VOPP1: variants seen among roughly 807,000 people sequenced by gnomAD.
The protein encoded by VOPP1 is VOPP1 WW domain binding protein.
A neutral mutation model predicts 23.5 loss-of-function variants in VOPP1; 8 were observed. The observed-to-expected ratio is 0.34, with a 90% CI of 0.20 to 0.61. VOPP1 has a LOEUF of 0.61. Among genes scored for constraint, VOPP1 ranks in the 20% least tolerant of loss-of-function variants. VOPP1 has a pLI of 0.78. For missense variants in VOPP1, 174 were observed against 238.1 expected (o/e 0.73, Z 1.77); for synonymous variants, 83 against 97.3 (o/e 0.85, Z 0.86).
intron 1 of VOPP1, among the ~76,000 whole-genome samples, chr7:55,538,261 G>A (rs756317785): frequency 1.3e-5 from 2 of 152,130 alleles, no homozygotes; most frequent in Non-Finnish European, 2.9e-5. Flanking sequence ...TATGCAGTCC[G>A]CACTTAGGAA....
intron 1 of VOPP1, among the ~76,000 whole-genome samples, chr7:55,568,501 T>C (rs905550689): frequency 7.2e-5 from 11 of 152,144 alleles, no homozygotes; most frequent in Non-Finnish European, 1.6e-4. Context: ...AGATAATGAG[T>C]AGTCCCTTAA....
intron 1 of VOPP1, chr7:55,537,502 T>C: frequency 1.3e-6 from 2 of 1,536,130 alleles, no homozygotes; most frequent in South Asian, 1.2e-5. Flanking sequence ...AGCAAGCACC[T>C]GAGCATGTGA....
intron 1 of VOPP1, among the ~76,000 whole-genome samples, chr7:55,544,931 T>C (rs1438873128): frequency 6.6e-6 from 1 of 152,254 alleles, no homozygotes; most frequent in African/African-American, 2.4e-5. Context: ...AAATACATTT[T>C]ACTTTCGTGT....
At chr7:55,492,456 T>C (rs2129019714) in intron 3 of VOPP1, 38 bp from the exon 4 acceptor site, 2 of 1,574,702 alleles carry the variant, frequency 1.3e-6, no homozygotes, top group Non-Finnish European at 1.7e-6. Context: ...TGCTCCCAGG[T>C]GGGGGCCCTG....
chr7:55,463,220 G>A (rs1005038858), intron 4 of VOPP1, among the ~76,000 whole-genome samples: 5 of 152,212 alleles, frequency 3.3e-5, no homozygotes, highest in African/African-American at 7.2e-5. Flanking sequence ...CTCTTGTATC[G>A]CACTGAACTT....
intron 4 of VOPP1, among the ~76,000 whole-genome samples, chr7:55,454,142 G>C (rs1791309894): frequency 6.6e-6 from 1 of 152,068 alleles, no homozygotes; most frequent in South Asian, 2.1e-4. Context: ...ATTTAGGATA[G>C]CTCTCACCTC....
chr7:55,551,829 C>CCACTGTTCTCTTCAT, intron 1 of VOPP1, among the ~76,000 whole-genome samples: 1 of 152,204 alleles, frequency 6.6e-6, no homozygotes, highest in South Asian at 2.1e-4. Context: ...CACTTGAGAT[C>CCACTGTTCTCTTCAT]AGCAGTTTGA....
rs1304210665 is a variant in VOPP1 at position 55,505,643 on chromosome 7, AAGGAAGGAAGGGAGGG to A, written c.114-7969_114-7954del. 1.5e-3 allele frequency among the ~76,000 whole-genome samples: 138 copies of A among 93,922 alleles called. 1 individual carries two copies. The highest frequency in any genetic ancestry group is 6.3e-3 in the Middle Eastern group (1 of 158). The allele number at this position is 93,922 out of a possible 152,430, so 61.6% of individuals were successfully genotyped here. On this transcript the variant is annotated intron_variant, in intron 2 of 4. Coordinates refer to ENST00000285279, the MANE Select transcript of VOPP1 (RefSeq NM_030796.5). ...GGGGGAAGGAAAGAAGGAAAAAAGG[AAGGAAGGAAGGGAGGG>A]AGGGAGGGAGGGAGGGAGGGAGGGA...
chr7:55,474,613 C>G (rs1359835563), intron 4 of VOPP1, among the ~76,000 whole-genome samples: 1 of 152,228 alleles, frequency 6.6e-6, no homozygotes, highest in Non-Finnish European at 1.5e-5. Flanking sequence ...AGAACAGGGG[C>G]TCTGCAAGAA....
chr7:55,517,778 A>T, intron 2 of VOPP1, among the ~76,000 whole-genome samples: 1 of 152,298 alleles, frequency 6.6e-6, no homozygotes, highest in East Asian at 1.9e-4. Flanking sequence ...ATGGAGTAGA[A>T]TATAGCTAAG....
chr7:55,560,153 AAAC>A (rs1797939028), intron 1 of VOPP1, among the ~76,000 whole-genome samples: 1 of 152,208 alleles, frequency 6.6e-6, no homozygotes, highest in Non-Finnish European at 1.5e-5. Flanking sequence ...GCTCTGTCTC[AAAC>A]AACAAACGAA....
At chr7:55,515,554 T>C (rs1795347882) in intron 2 of VOPP1, among the ~76,000 whole-genome samples, 1 of 152,218 alleles carries the variant, frequency 6.6e-6, no homozygotes, top group South Asian at 2.1e-4. Context: ...TTACTCTGTA[T>C]CTCACATGCA....
At chr7:55,531,824 A>G (rs1796514664) in intron 1 of VOPP1, among the ~76,000 whole-genome samples, 1 of 152,182 alleles carries the variant, frequency 6.6e-6, no homozygotes, top group Non-Finnish European at 1.5e-5. Flanking sequence ...TATGCCCCCA[A>G]AATGAAATAA....
intron 4 of VOPP1, among the ~76,000 whole-genome samples, chr7:55,449,196 G>A (rs998798231): frequency 6.6e-6 from 1 of 152,216 alleles, no homozygotes; most frequent in African/African-American, 2.4e-5. Flanking sequence ...GGAGCGCCGC[G>A]GGTCCCCTGC....
At chr7:55,508,647 A>G (rs185811397) in intron 2 of VOPP1, among the ~76,000 whole-genome samples, 30 of 152,304 alleles carry the variant, frequency 2.0e-4, no homozygotes, top group Non-Finnish European at 4.1e-4. Flanking sequence ...TGATCATTTA[A>G]AATTAGTTCT....
chr7:55,516,022 G>T (rs1462508502), intron 2 of VOPP1: 1 of 985,348 alleles, frequency 1.0e-6, no homozygotes, highest in Non-Finnish European at 1.2e-6. Flanking sequence ...AGGAAGCGAG[G>T]CCCAAGCAGA....
At chr7:55,532,916 A>G (rs1796576538) in intron 1 of VOPP1, among the ~76,000 whole-genome samples, 1 of 152,194 alleles carries the variant, frequency 6.6e-6, no homozygotes, top group African/African-American at 2.4e-5. Flanking sequence ...AAGACTTTCT[A>G]TTTCTTGTCA....
At chr7:55,446,245 G>C (rs570820821) in intron 4 of VOPP1, among the ~76,000 whole-genome samples, 1 of 152,058 alleles carries the variant, frequency 6.6e-6, no homozygotes, top group Non-Finnish European at 1.5e-5. Context: ...TGCCCACCTC[G>C]GCCTCCCAAA....
chr7:55,476,782 C>T (rs1260425312), intron 4 of VOPP1, among the ~76,000 whole-genome samples: 4 of 152,192 alleles, frequency 2.6e-5, no homozygotes, highest in African/African-American at 9.6e-5. Flanking sequence ...GGGCAGAGCT[C>T]GTTCCTGCCA....
Sources: allele counts gnomAD v4.1 joint callset (sites outside exome capture counted in the v4.1 genomes callset), GRCh38; gene constraint gnomAD v4.1.1; transcripts MANE v1.5; gene names NCBI Gene and HGNC (gene_info 2026-07-23, HGNC 2026-07-21).